The following ARHGAP39 variants were observed in gnomAD, a reference collection of about 807,000 sequenced individuals.
The protein encoded by ARHGAP39 is rho GTPase-activating protein 39.
Under a neutral mutation model 106.9 loss-of-function variants are expected in ARHGAP39, and 44 were observed. The ratio of observed to expected loss-of-function variants is 0.41; its 90% confidence interval spans 0.32 to 0.53. The LOEUF is 0.53. ARHGAP39 is among the 20% of genes least tolerant of loss of function. The pLI is 0.21. For synonymous variants in ARHGAP39, 768 were observed against 693.2 expected, an observed-to-expected ratio of 1.11 and a Z score of -1.69; for missense variants, 1,496 against 1,577.3, an observed-to-expected ratio of 0.95 and a Z score of 0.87.
At chr8:144,653,673 G>C (rs1821627492) in intron 1 of ARHGAP39, among the ~76,000 whole-genome samples, 1 of 152,202 alleles carries the variant, frequency 6.6e-6, no homozygotes, top group Non-Finnish European at 1.5e-5. Flanking sequence ...CCTTATGGTG[G>C]AGAGGGAGCC....
intron 2 of ARHGAP39, among the ~76,000 whole-genome samples, chr8:144,596,767 G>T (rs989058245): frequency 1.3e-5 from 2 of 152,232 alleles, no homozygotes; most frequent in Non-Finnish European, 2.9e-5. Context: ...ACAGACAGAG[G>T]ACCCACTGGT....
intron 1 of ARHGAP39, among the ~76,000 whole-genome samples, chr8:144,682,472 C>T (rs1384163086): frequency 1.4e-5 from 2 of 146,108 alleles, no homozygotes; most frequent in Non-Finnish European, 3.0e-5. Context: ...TGGTGTGAAC[C>T]CAGGAGGCGG....
chr8:144,652,426 T>C (rs1360314689), intron 1 of ARHGAP39, among the ~76,000 whole-genome samples: 1 of 152,122 alleles, frequency 6.6e-6, no homozygotes, highest in Non-Finnish European at 1.5e-5. Flanking sequence ...CCCAGAGAAA[T>C]ATAAATCATT....
intron 1 of ARHGAP39, among the ~76,000 whole-genome samples, chr8:144,655,733 T>C (rs922013233): frequency 6.6e-6 from 1 of 152,150 alleles, no homozygotes; most frequent in African/African-American, 2.4e-5. Context: ...TCATTCTTCC[T>C]GGATGCAGGA....
intron 2 of ARHGAP39, among the ~76,000 whole-genome samples, chr8:144,587,911 G>A (rs1393883360): frequency 2.0e-5 from 3 of 152,154 alleles, no homozygotes; most frequent in Admixed American, 6.5e-5. Context: ...CCAAAGTGTT[G>A]GGATTACAGG....
chr8:144,620,119 C>T (rs895507790), intron 1 of ARHGAP39, among the ~76,000 whole-genome samples: 8 of 134,584 alleles, frequency 5.9e-5, no homozygotes, highest in Non-Finnish European at 9.5e-5. Context: ...GCATGTGTGC[C>T]CGTGTGCGTG....
At chr8:144,669,033 T>C (rs1266088050) in intron 1 of ARHGAP39, among the ~76,000 whole-genome samples, 3 of 151,686 alleles carry the variant, frequency 2.0e-5, no homozygotes, top group African/African-American at 7.3e-5. Context: ...CAAGTAATTT[T>C]TGACAAAGGT....
At chr8:144,653,150 G>T (rs994409219) in intron 1 of ARHGAP39, among the ~76,000 whole-genome samples, 4 of 152,044 alleles carry the variant, frequency 2.6e-5, no homozygotes, top group Non-Finnish European at 5.9e-5. Flanking sequence ...ATACAAAATA[G>T]CTGGGCGTGG....
chr8:144,632,060 G>A (rs767527151), intron 1 of ARHGAP39, among the ~76,000 whole-genome samples: 13 of 152,316 alleles, frequency 8.5e-5, no homozygotes, highest in Non-Finnish European at 1.6e-4. Flanking sequence ...TCCTGGGTCT[G>A]CCAGGACCAT....
At chr8:144,540,664 C>G (rs558022837) in intron 6 of ARHGAP39, among the ~76,000 whole-genome samples, 2 of 151,826 alleles carry the variant, frequency 1.3e-5, no homozygotes, top group African/African-American at 4.8e-5. Flanking sequence ...ATTAGCTGGG[C>G]TTGGTAGTGC....
intron 10 of ARHGAP39, among the ~76,000 whole-genome samples, chr8:144,531,183 C>T (rs1270548874): frequency 1.3e-5 from 2 of 151,046 alleles, no homozygotes; most frequent in East Asian, 2.0e-4. Flanking sequence ...CTGAAGGGCA[C>T]AGGGCAGAGA....
In ARHGAP39 at chr8:144,670,521, G is replaced by C. The variant is rs1822075528; in HGVS notation, c.-82+15165C>G. Among the ~76,000 whole-genome samples the C allele has an allele frequency of 1.3e-5, 2 of 152,156 alleles. No homozygotes were observed. Among genetic ancestry groups the C allele is most frequent in the East Asian group, 3.9e-4 (2 of 5,174 alleles). On this transcript the variant is annotated intron_variant, in intron 1 of 11. Transcript: ENST00000377307. The surrounding 1 kb of genome is among the most constrained non-coding windows in gnomAD (Gnocchi z 4.4). The stretch of plus-strand genomic sequence containing the variant: ...CTCCGGACATAAAAGCCTGGGCAAG[G>C]CTTCAAGAAGACTATTTTGGGTGGG...
chr8:144,686,670 G>C (rs1203254325), upstream of ARHGAP39, among the ~76,000 whole-genome samples: 2 of 152,138 alleles, frequency 1.3e-5, no homozygotes, highest in African/African-American at 2.4e-5. Flanking sequence ...ATCTCCCGTC[G>C]GGCTGTCTCG....
rs1002530063 is a variant in ARHGAP39, at chr8:144,644,299, A to C, written c.-81-38604T>G. On this transcript the variant is annotated intron_variant, in intron 1 of 11. Coordinates refer to ENST00000377307, the MANE Select transcript of ARHGAP39 (RefSeq NM_025251.3). This position sits in a 1 kb window ranked among gnomAD's most constrained non-coding sequence, Gnocchi z 4.8. ...GAGAAAGTGTTTTAAAAAACAAAAG[A>C]AAGCAGGCAACAAAGTCAGACACAA... 2.0e-5 allele frequency among the ~76,000 whole-genome samples: 3 copies of C among 152,168 alleles called. No individual in the cohort carries two copies. The highest frequency in any genetic ancestry group is 6.5e-5 in the Admixed American group (1 of 15,280).
chr8:144,621,744 T>G (rs1448792366), intron 1 of ARHGAP39, among the ~76,000 whole-genome samples: 4 of 152,074 alleles, frequency 2.6e-5, no homozygotes, highest in Non-Finnish European at 4.4e-5. Context: ...CTTGAGGCCC[T>G]GAGGTAGAGG....
intron 2 of ARHGAP39, among the ~76,000 whole-genome samples, chr8:144,602,233 A>G (rs1166653984): frequency 5.8e-5 from 5 of 86,424 alleles, no homozygotes; most frequent in Non-Finnish European, 9.0e-5. Context: ...ACCTGTGTGC[A>G]TGTGCGTGGA....
At position 144,548,620 on chromosome 8, in the gene ARHGAP39, G is replaced by T; in HGVS notation, c.597-131C>A. ...TACACCTTCCTCGCTGGGGCCCTGT[G>T]GCCTGGCGCCCCTCACACCTGCCTT... On this transcript the variant is annotated intron_variant, in intron 4 of 11. Transcript: ENST00000377307. The surrounding 1 kb of genome is among the most constrained non-coding windows in gnomAD (Gnocchi z 7.4). 1 of 1,290,220 alleles carries T rather than the reference G, an allele frequency of 7.8e-7. No individual in the cohort carries two copies. The highest frequency in any genetic ancestry group is 1.0e-6 in the Non-Finnish European group (1 of 966,892). The allele number at this position is 1,290,220 out of a possible 1,614,324, so 79.9% of individuals were successfully genotyped here.
intron 1 of ARHGAP39, among the ~76,000 whole-genome samples, chr8:144,676,072 C>T (rs1258308783): frequency 1.3e-5 from 2 of 152,204 alleles, no homozygotes; most frequent in African/African-American, 4.8e-5. Context: ...GGCGCGGACC[C>T]AAAGAGTGAG....
the ARHGAP39 span, among the ~76,000 whole-genome samples, chr8:144,697,090 C>T: frequency 6.6e-6 from 1 of 151,984 alleles, no homozygotes; most frequent in Admixed American, 6.6e-5. Context: ...TTTGGGAGGC[C>T]GAGGCAGGCG....
Sources: allele counts gnomAD v4.1 joint callset (sites outside exome capture counted in the v4.1 genomes callset), GRCh38; gene constraint gnomAD v4.1.1; non-coding constraint Gnocchi (gnomAD v3.1); transcripts MANE v1.5; gene names NCBI Gene and HGNC (gene_info 2026-07-23, HGNC 2026-07-21).